The following ATP8A2 variants were observed in gnomAD, a reference collection of about 807,000 sequenced individuals.
The protein encoded by ATP8A2 is phospholipid-transporting ATPase IB.
In ATP8A2, 100 loss-of-function variants were observed where a neutral mutation model predicts 165.6. The observed-to-expected ratio is 0.60, with a 90% CI of 0.51 to 0.71. The LOEUF (loss-of-function observed/expected upper bound fraction) is 0.71. Among genes scored for constraint, ATP8A2 ranks in the 30% least tolerant of loss-of-function variants. ATP8A2 has a pLI of 0.00. For missense variants in ATP8A2, 1,227 were observed against 1,479.5 expected (o/e 0.83, Z 2.80); for synonymous variants, 543 against 548.8 (o/e 0.99, Z 0.15).
intron 30 of ATP8A2, among the ~76,000 whole-genome samples, chr13:25,843,502 C>T (rs1951792699): frequency 6.6e-6 from 1 of 151,960 alleles, no homozygotes; most frequent in Non-Finnish European, 1.5e-5. Flanking sequence ...GATTAGTGTA[C>T]CTATAAAAAG....
chr13:25,623,905 G>T (rs2041038598), intron 24 of ATP8A2, among the ~76,000 whole-genome samples: 1 of 152,018 alleles, frequency 6.6e-6, no homozygotes, highest in Non-Finnish European at 1.5e-5. Context: ...TATAATGCAT[G>T]TATGTATGTG....
intron 24 of ATP8A2, among the ~76,000 whole-genome samples, chr13:25,660,722 T>A (rs938755793): frequency 3.3e-5 from 5 of 152,124 alleles, no homozygotes; most frequent in Admixed American, 2.0e-4. Flanking sequence ...AAATATTCCC[T>A]CATTAAACAA....
At chr13:25,453,738 CT>C (rs2035289780) in intron 1 of ATP8A2, among the ~76,000 whole-genome samples, 1 of 152,170 alleles carries the variant, frequency 6.6e-6, no homozygotes, top group Admixed American at 6.5e-5. Context: ...TTGTGAAGAA[CT>C]TTCTGAAATG....
chr13:25,983,257 C>T (rs1284903867), intron 35 of ATP8A2, among the ~76,000 whole-genome samples: 1 of 152,156 alleles, frequency 6.6e-6, no homozygotes, highest in African/African-American at 2.4e-5. Flanking sequence ...TTTTCATTTA[C>T]TTACACCATG....
At chr13:25,638,555 G>A (rs1404641168) in intron 24 of ATP8A2, among the ~76,000 whole-genome samples, 1 of 152,132 alleles carries the variant, frequency 6.6e-6, no homozygotes, top group South Asian at 2.1e-4. Flanking sequence ...GAAGTTTAGA[G>A]AAAGATGAGT....
intron 22 of ATP8A2, 45 bp downstream of exon 22, chr13:25,579,992 AC>A (rs2039729616): frequency 6.2e-7 from 1 of 1,604,156 alleles, no homozygotes; most frequent in East Asian, 2.2e-5. Context: ...GAAGGACTTA[AC>A]CACCTATTTC....
chr13:25,952,262 G>A (rs1273326101), intron 33 of ATP8A2, among the ~76,000 whole-genome samples: 1 of 152,168 alleles, frequency 6.6e-6, no homozygotes, highest in East Asian at 1.9e-4. Flanking sequence ...GAGAGAGTGG[G>A]CATGAATGAT....
Position 25,554,009 on chromosome 13 carries a change from A to G in ATP8A2, c.1185+89A>G, listed in dbSNP as rs546780412. On this transcript the variant is annotated intron_variant, in intron 12 of 36. Transcript: ENST00000381655. ...ATTGAGCACTCAAAAAAGAAGAACT[A>G]TATTCATTTACCATTAGGTCCAGGG... 1.9e-4 allele frequency: 260 copies of G among 1,378,550 alleles called. No individual in the cohort carries two copies. In the African/African-American group the frequency reaches 3.3e-3, roughly 18 times the overall value. The allele number at this position is 1,378,550 out of a possible 1,614,324, so 85.4% of individuals were successfully genotyped here.
chr13:25,897,435 A>G (rs924795390), intron 33 of ATP8A2, among the ~76,000 whole-genome samples: 9 of 152,062 alleles, frequency 5.9e-5, no homozygotes, highest in African/African-American at 1.9e-4. Context: ...TTTGTGGGCA[A>G]CCCGACCTTT....
In ATP8A2 at chr13:25,567,591, A is replaced by T. The variant is rs535689665; in HGVS notation, c.1474-3176A>T. Among the ~76,000 whole-genome samples the T allele has an allele frequency of 2.0e-5, 3 of 152,204 alleles. No homozygotes were observed. In the South Asian group the frequency reaches 6.2e-4, roughly 32 times the overall value. On this transcript the variant is annotated intron_variant, in intron 16 of 36. Transcript: ENST00000381655. Reference sequence around the variant, plus strand: ...ACTTCAAGGGCATTTTAATCTGGATACTCATAGTTTCAGTACAAGCATAAT... The same window carrying T: ...ACTTCAAGGGCATTTTAATCTGGATTCTCATAGTTTCAGTACAAGCATAAT...
chr13:25,688,603 G>A lies in ATP8A2; in HGVS notation c.2212-10570G>A, dbSNP rs2042656261. 2.0e-5 allele frequency among the ~76,000 whole-genome samples: 3 copies of A among 152,228 alleles called. No individual in the cohort carries two copies. The South Asian group carries it at 6.2e-4, about 31-fold the overall frequency. ...TTCCAATTTTAAATGTGGTAACGGT[G>A]TCCTATGTGAGCATGAGATATTTTC... is the stretch of plus-strand genomic sequence containing the variant. On this transcript the variant is annotated intron_variant, in intron 24 of 36. Transcript: ENST00000381655.
intron 24 of ATP8A2, among the ~76,000 whole-genome samples, chr13:25,662,172 T>C (rs2042064154): frequency 6.6e-6 from 1 of 152,232 alleles, no homozygotes; most frequent in Non-Finnish European, 1.5e-5. Context: ...AGTGAGTTAA[T>C]ATATGCAGAT....
intron 2 of ATP8A2, among the ~76,000 whole-genome samples, chr13:25,475,775 G>A (rs2035977249): frequency 6.6e-6 from 1 of 152,144 alleles, no homozygotes; most frequent in African/African-American, 2.4e-5. Context: ...GTGATAGTGA[G>A]CATTTTTTTC....
chr13:25,817,574 A>C (rs1477155374), intron 27 of ATP8A2, among the ~76,000 whole-genome samples: 1 of 152,210 alleles, frequency 6.6e-6, no homozygotes, highest in Non-Finnish European at 1.5e-5. Context: ...TGCCAGACTA[A>C]AGTAAAAAAT....
At chr13:25,817,374 T>G in intron 27 of ATP8A2, among the ~76,000 whole-genome samples, 1 of 151,284 alleles carries the variant, frequency 6.6e-6, no homozygotes, top group African/African-American at 2.4e-5. Context: ...AACACGATTT[T>G]GTGTTTACCT....
chr13:26,007,861 C>T (rs1956774233), intron 35 of ATP8A2, among the ~76,000 whole-genome samples: 1 of 152,056 alleles, frequency 6.6e-6, no homozygotes, highest in South Asian at 2.1e-4. Context: ...TATAACAGAA[C>T]CCTATGCATA....
At chr13:25,930,207 A>G (rs1286330687) in intron 33 of ATP8A2, among the ~76,000 whole-genome samples, 45 of 152,110 alleles carry the variant, frequency 3.0e-4, no homozygotes, top group Admixed American at 2.8e-3. Flanking sequence ...TGCACCTGGA[A>G]TGATCTTTTA....
intron 2 of ATP8A2, among the ~76,000 whole-genome samples, chr13:25,491,023 T>A (rs1420635364): frequency 6.6e-6 from 1 of 151,804 alleles, no homozygotes; most frequent in Non-Finnish European, 1.5e-5. Flanking sequence ...GGGATTACAG[T>A]CACAAGCCTG....
At chr13:25,477,882 A>T (rs371044936) in intron 2 of ATP8A2, among the ~76,000 whole-genome samples, 2 of 152,220 alleles carry the variant, frequency 1.3e-5, no homozygotes, top group South Asian at 2.1e-4. Flanking sequence ...GGTTGCAGTC[A>T]GCAGAGATCG....
Sources: gnomAD v4.1 joint callset for allele counts (sites outside exome capture counted in the v4.1 genomes callset) on GRCh38, gnomAD v4.1.1 for gene constraint, MANE v1.5 for transcripts, NCBI Gene and HGNC (gene_info 2026-07-23, HGNC 2026-07-21) for gene names.